GALNT13: variants seen among roughly 807,000 people sequenced by gnomAD.
GALNT13 encodes polypeptide N-acetylgalactosaminyltransferase 13, also known as UDP-GalNAc:polypeptide N-acetylgalactosaminyltransferase 13.
GALNT13 carries 28 observed loss-of-function variants against 64.2 expected under a neutral mutation model. The ratio of observed to expected loss-of-function variants is 0.44; its 90% CI spans 0.32 to 0.60. The LOEUF is 0.60. Ranked by LOEUF, GALNT13 falls within the 20% of genes least tolerant of loss-of-function variation. The pLI is 0.05. For synonymous variants in GALNT13, 214 were observed against 224.6 expected (o/e 0.95, Z 0.42); for missense variants, 577 against 669.8 (o/e 0.86, Z 1.53).
At chr2:153,183,591 T>C in the GALNT13 span, among the ~76,000 whole-genome samples, 1 of 152,234 alleles carries the variant, frequency 6.6e-6, no homozygotes, top group South Asian at 2.1e-4. Flanking sequence ...TCTAGGCTTT[T>C]TATAGTTTTG....
At chr2:154,324,591 G>A (rs1229453860) in intron 9 of GALNT13, among the ~76,000 whole-genome samples, 1 of 152,090 alleles carries the variant, frequency 6.6e-6, no homozygotes, top group African/African-American at 2.4e-5. Flanking sequence ...TGAAAAGAAG[G>A]AATCATTTCT....
the GALNT13 span, among the ~76,000 whole-genome samples, chr2:153,420,441 A>G: frequency 2.6e-5 from 4 of 152,220 alleles, no homozygotes; most frequent in African/African-American, 9.6e-5. Context: ...ATTTAAAAGG[A>G]AAAAATATAG....
the GALNT13 span, among the ~76,000 whole-genome samples, chr2:153,615,371 T>C: frequency 6.6e-6 from 1 of 152,120 alleles, no homozygotes; most frequent in African/African-American, 2.4e-5. Flanking sequence ...ATTGATTTCC[T>C]TTATTTTCGT....
chr2:153,944,668 T>A, intron 3 of GALNT13, 29 bp downstream of exon 3: 1 of 1,572,198 alleles, frequency 6.4e-7, no homozygotes, highest in Non-Finnish European at 8.7e-7. Flanking sequence ...AATACTGTCT[T>A]TATAGAGATG....
chr2:154,348,525 G>C (rs573192184), intron 9 of GALNT13, among the ~76,000 whole-genome samples: 36 of 152,038 alleles, frequency 2.4e-4, no homozygotes, highest in Non-Finnish European at 5.0e-4. Context: ...ATGTCCTAGA[G>C]CTCCTTTGAA....
the GALNT13 span, among the ~76,000 whole-genome samples, chr2:153,833,056 G>A: frequency 6.6e-5 from 10 of 152,118 alleles, no homozygotes; most frequent in African/African-American, 2.4e-4. Flanking sequence ...TGAGTAGCCT[G>A]ATGAAAATCT....
the GALNT13 span, among the ~76,000 whole-genome samples, chr2:153,309,190 C>T: frequency 6.6e-6 from 1 of 152,062 alleles, no homozygotes; most frequent in African/African-American, 2.4e-5. Flanking sequence ...CAACCTCACT[C>T]CCTCTGGCAA....
At chr2:154,232,535 T>C (rs1688970734) in intron 4 of GALNT13, among the ~76,000 whole-genome samples, 1 of 152,180 alleles carries the variant, frequency 6.6e-6, no homozygotes, top group South Asian at 2.1e-4. Context: ...ACGTACCATC[T>C]TTATTTACCA....
intron 9 of GALNT13, among the ~76,000 whole-genome samples, chr2:154,318,878 C>T (rs557505636): frequency 2.8e-4 from 43 of 152,060 alleles, no homozygotes; most frequent in African/African-American, 4.1e-4. Flanking sequence ...TACACACGCG[C>T]GCGCACACAC....
the GALNT13 span, among the ~76,000 whole-genome samples, chr2:153,189,979 T>A: frequency 6.6e-5 from 10 of 152,098 alleles, no homozygotes; most frequent in African/African-American, 2.4e-4. Context: ...ATTTCTTTTA[T>A]AATCTGAATA....
chr2:153,600,883 A>G, the GALNT13 span, among the ~76,000 whole-genome samples: 1 of 151,998 alleles, frequency 6.6e-6, no homozygotes, highest in East Asian at 1.9e-4. Context: ...CTAACGCTTA[A>G]TGGTTTGAAT....
At chr2:154,375,136 C>T (rs1000206629) in intron 9 of GALNT13, among the ~76,000 whole-genome samples, 2 of 152,018 alleles carry the variant, frequency 1.3e-5, no homozygotes, top group Admixed American at 1.3e-4. Context: ...TACAGGCGCC[C>T]GCCACCAAGC....
At chr2:153,972,060 G>T (rs569641143) in intron 3 of GALNT13, among the ~76,000 whole-genome samples, 1 of 152,102 alleles carries the variant, frequency 6.6e-6, no homozygotes, top group South Asian at 2.1e-4. Context: ...GGAATGCTTG[G>T]GGTCATCAAA....
At chr2:154,150,293 G>T (rs1683908716) in intron 4 of GALNT13, among the ~76,000 whole-genome samples, 2 of 152,070 alleles carry the variant, frequency 1.3e-5, no homozygotes, top group African/African-American at 4.8e-5. Flanking sequence ...TGATCATGGT[G>T]GATAAGCTTT....
the GALNT13 span, among the ~76,000 whole-genome samples, chr2:153,323,653 G>A: frequency 1.3e-5 from 2 of 152,196 alleles, no homozygotes; most frequent in African/African-American, 4.8e-5. Flanking sequence ...TCCATCTTGA[G>A]TTAATTATTG....
chr2:153,199,786 A>G, the GALNT13 span, among the ~76,000 whole-genome samples: 1 of 152,262 alleles, frequency 6.6e-6, no homozygotes, highest in African/African-American at 2.4e-5. Context: ...CATACTATAA[A>G]GACTTTCATT....
intron 9 of GALNT13, among the ~76,000 whole-genome samples, chr2:154,375,099 T>C (rs1461346475): frequency 6.6e-6 from 1 of 152,128 alleles, no homozygotes; most frequent in African/African-American, 2.4e-5. Context: ...GCCATTCTCT[T>C]ATCTCAGCCT....
the GALNT13 span, among the ~76,000 whole-genome samples, chr2:153,614,652 A>G: frequency 3.9e-5 from 6 of 152,170 alleles, no homozygotes; most frequent in East Asian, 5.8e-4. Flanking sequence ...TGATATTGCT[A>G]TCTTCTCAAA....
chr2:153,349,630 T>G, the GALNT13 span, among the ~76,000 whole-genome samples: 1 of 152,212 alleles, frequency 6.6e-6, no homozygotes, highest in African/African-American at 2.4e-5. Context: ...TCAGAGCTCT[T>G]TGCTCTTGTA....
Sources: allele counts gnomAD v4.1 joint callset (sites outside exome capture counted in the v4.1 genomes callset), GRCh38; gene constraint gnomAD v4.1.1; transcripts MANE v1.5; gene names NCBI Gene and HGNC (gene_info 2026-07-23, HGNC 2026-07-21).